LIN9: variants seen among roughly 807,000 people sequenced by gnomAD.
LIN9 encodes lin-9 DREAM MuvB core complex component, also known as protein lin-9 homolog.
Under a neutral mutation model 78.0 loss-of-function variants are expected in LIN9, and 18 were observed. The ratio of observed to expected loss-of-function variants is 0.23; its 90% CI spans 0.16 to 0.34. The LOEUF (loss-of-function observed/expected upper bound fraction) is 0.34. Ranked by LOEUF, LIN9 falls within the 10% of genes least tolerant of loss-of-function variation. The pLI, the probability that LIN9 is intolerant of heterozygous loss-of-function variation, is 1.00. For missense variants in LIN9, 451 were observed against 644.1 expected (o/e 0.70, Z 3.25); for synonymous variants, 192 against 215.2 (o/e 0.89, Z 0.94).
intron 1 of LIN9, 89 bp from the exon 2 acceptor site, chr1:226,301,294 T>C: frequency 2.2e-6 from 2 of 904,394 alleles, no homozygotes; most frequent in Non-Finnish European, 3.5e-6. Flanking sequence ...GTGATCCATT[T>C]AGTTTTAGTA....
intron 4 of LIN9, among the ~76,000 whole-genome samples, chr1:226,292,445 C>T (rs1196225658): frequency 6.6e-6 from 1 of 152,012 alleles, no homozygotes; most frequent in Admixed American, 6.6e-5. Context: ...GGCACCACTG[C>T]ACCAGACCAG....
chr1:226,282,305 C>A (rs1661118002), intron 6 of LIN9, among the ~76,000 whole-genome samples: 1 of 152,148 alleles, frequency 6.6e-6, no homozygotes, highest in South Asian at 2.1e-4. Flanking sequence ...TACCTTTGTA[C>A]ATGTAATTTC....
intron 5 of LIN9, 95 bp from the exon 6 acceptor site, chr1:226,286,553 C>T (rs1429829778): frequency 3.4e-6 from 3 of 874,706 alleles, no homozygotes; most frequent in Non-Finnish European, 5.1e-6. Context: ...CACTTCTACC[C>T]CATATATATA....
At chr1:226,254,843 G>A (rs1237642161) in intron 10 of LIN9, among the ~76,000 whole-genome samples, 2 of 151,066 alleles carry the variant, frequency 1.3e-5, no homozygotes, top group Middle Eastern at 3.4e-3. Flanking sequence ...CCCGGAAGGC[G>A]GAGCTTGCAG....
At position 226,301,586 on chromosome 1, in the gene LIN9, G is replaced by A. The variant is rs542668777; in HGVS notation, c.32-381C>T. ...ATCCATTGAGGCAAAGACTGATGTA[G>A]TAATGGAGTGGAAAAAAACAGGCAA... On this transcript the variant is annotated intron_variant, in intron 1 of 14. Transcript: ENST00000681046. Among the ~76,000 whole-genome samples, 31 of 152,342 alleles carry A rather than the reference G, an allele frequency of 2.0e-4. No individual in the cohort carries two copies. The South Asian group carries it at 6.4e-3, about 32-fold the overall frequency.
At position 226,289,845 on chromosome 1, in the gene LIN9, GT is replaced by G. The variant is rs1302333029; in HGVS notation, c.265-2049del. On this transcript the variant is annotated intron_variant, in intron 4 of 14. Coordinates refer to ENST00000681046, the MANE Select transcript of LIN9 (RefSeq NM_001366245.2). ...ACTAAGTAGTCCTCCGGGGGGGGGG[GT>G]GGGGGGGGGTGGGAAAGCTAGGTTG... 2.9e-3 allele frequency among the ~76,000 whole-genome samples: 161 copies of G among 55,268 alleles called. 5 individuals carry two copies. The highest frequency in any genetic ancestry group is 5.9e-3 in the African/African-American group (77 of 13,072). The allele number at this position is 55,268 out of a possible 152,430, so 36.3% of individuals were successfully genotyped here.
Position 226,231,558 on chromosome 1 carries a change from A to C in LIN9, c.*943T>G, listed in dbSNP as rs1232267696. On this transcript the variant is annotated 3_prime_UTR_variant, in exon 15 of 15. Coordinates refer to ENST00000681046, the MANE Select transcript of LIN9 (RefSeq NM_001366245.2). ...CAGCGTTTTCCTAAAAAAGAAAAAC[A>C]ACCAAAACAAGCCTTTCTTCTGCAT... is the stretch of plus-strand genomic sequence containing the variant. 2 of 152,606 alleles carry C rather than the reference A, an allele frequency of 1.3e-5. No individual in the cohort carries two copies. The highest frequency in any genetic ancestry group is 2.9e-5 in the Non-Finnish European group (2 of 68,022). The allele number at this position is 152,606 out of a possible 1,614,324, so 9.5% of individuals were successfully genotyped here. A position where few individuals can be genotyped will look rare whatever the true frequency, so the allele number is the denominator to read the frequency against.
intron 5 of LIN9, among the ~76,000 whole-genome samples, chr1:226,287,177 A>G (rs1387308975): frequency 6.6e-6 from 1 of 152,190 alleles, no homozygotes; most frequent in Non-Finnish European, 1.5e-5. Flanking sequence ...CCATTGTTGA[A>G]TAATTGTATT....
chr1:226,243,611 G>A (rs1274904225), intron 11 of LIN9, among the ~76,000 whole-genome samples: 3 of 145,524 alleles, frequency 2.1e-5, no homozygotes, highest in South Asian at 2.2e-4. Context: ...CAGGAGAATC[G>A]CTTAAACCCA....
At chr1:226,237,878 G>C (rs1411032453) in intron 12 of LIN9, among the ~76,000 whole-genome samples, 5 of 151,206 alleles carry the variant, frequency 3.3e-5, no homozygotes, top group Admixed American at 6.6e-5. Flanking sequence ...GCTTGAACCT[G>C]GGAGGCAGAG....
At chr1:226,235,576 C>T (rs1033473238) in intron 12 of LIN9, among the ~76,000 whole-genome samples, 1 of 152,080 alleles carries the variant, frequency 6.6e-6, no homozygotes, top group African/African-American at 2.4e-5. Context: ...CTCCAAAATC[C>T]AAACTGCTCC....
At chr1:226,234,881 G>A (rs961004232) in intron 12 of LIN9, among the ~76,000 whole-genome samples, 2 of 145,956 alleles carry the variant, frequency 1.4e-5, no homozygotes, top group Non-Finnish European at 3.0e-5. Context: ...AACCTGGCTC[G>A]CGTTATCCTA....
chr1:226,237,530 G>A (rs1657794407), intron 12 of LIN9, among the ~76,000 whole-genome samples: 1 of 151,724 alleles, frequency 6.6e-6, no homozygotes, highest in Non-Finnish European at 1.5e-5. Flanking sequence ...TACTCGGGAG[G>A]CTGAGGCAGG....
intron 9 of LIN9, 123 bp downstream of exon 9, chr1:226,266,090 A>G: frequency 2.0e-6 from 1 of 490,218 alleles, no homozygotes. Context: ...ATTTTATTTA[A>G]TATTTTCAAT....
intron 10 of LIN9, among the ~76,000 whole-genome samples, chr1:226,255,668 A>G (rs1359303651): frequency 6.6e-6 from 1 of 152,242 alleles, no homozygotes. Context: ...TGGATAAAAT[A>G]GCATGCAAGA....
intron 7 of LIN9, among the ~76,000 whole-genome samples, chr1:226,275,506 CA>C (rs1201048358): frequency 6.6e-6 from 1 of 151,154 alleles, no homozygotes; most frequent in East Asian, 1.9e-4. Context: ...CCAGCCTGAC[CA>C]ATATGGTGAA....
rs111544913 is a variant in LIN9, at chr1:226,243,913, C to A, written c.1120-4817G>T. Among the ~76,000 whole-genome samples the A allele has an allele frequency of 4.0e-5, 6 of 150,954 alleles. 1 individual carries two copies. The highest frequency in any genetic ancestry group is 1.5e-4 in the African/African-American group (6 of 41,282). On this transcript the variant is annotated intron_variant, in intron 11 of 14. Transcript: ENST00000681046. ...TTTTTGAGATGGAGTCTTGCTCTGT[C>A]GCCCAGGCTGGAGTGCAGTGGCACA...
chr1:226,295,430 CAG>C (rs1358129518), intron 4 of LIN9, among the ~76,000 whole-genome samples: 2 of 151,810 alleles, frequency 1.3e-5, no homozygotes, highest in Non-Finnish European at 2.9e-5. Context: ...GCCTGGGCGA[CAG>C]AGTGAGACTC....
At chr1:226,287,981 C>CTT (rs368027452) in intron 4 of LIN9, among the ~76,000 whole-genome samples, 184 bp from the exon 5 acceptor site, 26 of 144,500 alleles carry the variant, frequency 1.8e-4, no homozygotes, top group African/African-American at 6.5e-4. Context: ...TGATTATTGC[C>CTT]TTTTTTTTTT....
Sources: allele counts gnomAD v4.1 joint callset (sites outside exome capture counted in the v4.1 genomes callset), GRCh38; gene constraint gnomAD v4.1.1; transcripts MANE v1.5; gene names NCBI Gene and HGNC (gene_info 2026-07-23, HGNC 2026-07-21).